Variants in FGGY observed in about 807,000 individuals in gnomAD.
FGGY encodes the protein FGGY carbohydrate kinase domain containing.
FGGY carries 72 observed loss-of-function variants against 71.3 expected under a neutral mutation model. The ratio of observed to expected loss-of-function variants is 1.01; its 90% CI spans 0.84 to 1.23. The LOEUF is 1.23. Among genes scored for constraint, FGGY ranks in the 50% most tolerant of loss-of-function variants. The probability of loss-of-function intolerance (pLI) is 0.00; values close to 1 mark genes in which losing one functional copy is unlikely to be tolerated. For missense variants in FGGY, 668 were observed against 682.3 expected (o/e 0.98, Z 0.23); for synonymous variants, 251 against 250.3 (o/e 1.00, Z -0.02).
chr1:59,502,408 A>G (rs1365426497), intron 6 of FGGY, among the ~76,000 whole-genome samples: 1 of 152,168 alleles, frequency 6.6e-6, no homozygotes, highest in African/African-American at 2.4e-5. Context: ...GGCTTTTTGC[A>G]TGTGGCCTTA....
At chr1:59,758,221 A>G (rs368043578) in intron 15 of FGGY, among the ~76,000 whole-genome samples, 15 of 152,318 alleles carry the variant, frequency 9.8e-5, no homozygotes, top group African/African-American at 3.4e-4. Context: ...TCTCAGACCA[A>G]TGTTCTTTTT....
intron 14 of FGGY, among the ~76,000 whole-genome samples, chr1:59,709,061 C>A (rs1302379658): frequency 1.3e-5 from 2 of 152,224 alleles, no homozygotes; most frequent in Non-Finnish European, 2.9e-5. Context: ...TGTTCATACA[C>A]ACACATACAC....
At chr1:59,630,079 C>A (rs915057497) in intron 10 of FGGY, among the ~76,000 whole-genome samples, 4 of 152,024 alleles carry the variant, frequency 2.6e-5, no homozygotes, top group African/African-American at 9.7e-5. Context: ...CATCCTTCTT[C>A]ACATGGTGGC....
chr1:59,668,018 A>G (rs1180125117), intron 13 of FGGY, among the ~76,000 whole-genome samples: 1 of 152,180 alleles, frequency 6.6e-6, no homozygotes, highest in African/African-American at 2.4e-5. Context: ...CAGACTGGGA[A>G]TTTGAGCCCT....
At chr1:59,396,504 A>G (rs2061342775) in intron 5 of FGGY, among the ~76,000 whole-genome samples, 1 of 152,138 alleles carries the variant, frequency 6.6e-6, no homozygotes, top group Non-Finnish European at 1.5e-5. Context: ...GTGAGTGAAG[A>G]AGGAGCCCAG....
At chr1:59,455,314 G>A (rs1453585824) in intron 5 of FGGY, among the ~76,000 whole-genome samples, 2 of 152,218 alleles carry the variant, frequency 1.3e-5, no homozygotes, top group African/African-American at 2.4e-5. Context: ...GCTGAGTCAT[G>A]AAGGCTAACT....
chr1:59,343,197 C>T (rs1445756947), intron 3 of FGGY, among the ~76,000 whole-genome samples: 1 of 152,166 alleles, frequency 6.6e-6, no homozygotes, highest in African/African-American at 2.4e-5. Context: ...ATGCCTGCAA[C>T]ACATTCTGTG....
chr1:59,380,502 A>G (rs2059281137), intron 5 of FGGY, among the ~76,000 whole-genome samples: 2 of 151,678 alleles, frequency 1.3e-5, no homozygotes, highest in African/African-American at 2.4e-5. Context: ...CTGGTGTGAG[A>G]TGATATCTCA....
At chr1:59,511,344 G>A (rs1162137788) in intron 6 of FGGY, among the ~76,000 whole-genome samples, 1 of 152,002 alleles carries the variant, frequency 6.6e-6, no homozygotes, top group African/African-American at 2.4e-5. Context: ...AAAAATTGCT[G>A]ATTATGCACC....
intron 14 of FGGY, among the ~76,000 whole-genome samples, chr1:59,719,824 A>T (rs2097873179): frequency 6.6e-6 from 1 of 152,210 alleles, no homozygotes; most frequent in African/African-American, 2.4e-5. Context: ...GTCATTTTAG[A>T]GATGAAAAAA....
At chr1:59,481,664 C>A (rs59520351) in intron 6 of FGGY, among the ~76,000 whole-genome samples, 7,633 of 152,220 alleles carry the variant, frequency 0.05, 236 homozygotes, top group East Asian at 0.12. Flanking sequence ...CCTGCAGGTT[C>A]TGTTTTCATA....
At chr1:59,712,067 C>G (rs1223459293) in intron 14 of FGGY, among the ~76,000 whole-genome samples, 1 of 152,164 alleles carries the variant, frequency 6.6e-6, no homozygotes, top group Non-Finnish European at 1.5e-5. Context: ...TAGTTACTTC[C>G]TAGATACAAT....
chr1:59,655,011 C>G (rs1244726615), intron 11 of FGGY, among the ~76,000 whole-genome samples: 1 of 152,184 alleles, frequency 6.6e-6, no homozygotes, highest in Non-Finnish European at 1.5e-5. Flanking sequence ...CTTCTCCATA[C>G]TCCTGCATGC....
intron 11 of FGGY, among the ~76,000 whole-genome samples, chr1:59,642,452 C>T (rs1187095171): frequency 6.6e-6 from 1 of 151,476 alleles, no homozygotes; most frequent in East Asian, 2.0e-4. Flanking sequence ...TGGTGAAACC[C>T]CGTTTCTACT....
intron 15 of FGGY, among the ~76,000 whole-genome samples, chr1:59,758,580 C>T (rs1013299423): frequency 6.6e-6 from 1 of 152,128 alleles, no homozygotes; most frequent in Non-Finnish European, 1.5e-5. Flanking sequence ...GAGATGGGAG[C>T]CTGTAGAGAT....
chr1:59,576,673 G>GACACACACAC (rs757918588), intron 8 of FGGY, among the ~76,000 whole-genome samples: 13 of 132,406 alleles, frequency 9.8e-5, no homozygotes, highest in African/African-American at 2.9e-4. Flanking sequence ...CAGACAGACA[G>GACACACACAC]ACAGACACAC....
chr1:59,586,825 G>A (rs549109548), intron 8 of FGGY, among the ~76,000 whole-genome samples: 2 of 152,186 alleles, frequency 1.3e-5, no homozygotes, highest in Non-Finnish European at 2.9e-5. Context: ...CAAGATGGCC[G>A]AATAGGAACA....
chr1:59,543,747 T>A (rs1457612122), intron 7 of FGGY, among the ~76,000 whole-genome samples: 3 of 152,228 alleles, frequency 2.0e-5, no homozygotes, highest in Non-Finnish European at 4.4e-5. Flanking sequence ...ACCTGTCCTG[T>A]CACTTCCCAT....
intron 8 of FGGY, among the ~76,000 whole-genome samples, chr1:59,588,509 G>T (rs1431881853): frequency 6.6e-6 from 1 of 152,114 alleles, no homozygotes; most frequent in Non-Finnish European, 1.5e-5. Flanking sequence ...CACCAAAGTC[G>T]AAGGAAAAAA....
Sources: gnomAD v4.1 joint callset for allele counts (sites outside exome capture counted in the v4.1 genomes callset) on GRCh38, gnomAD v4.1.1 for gene constraint, MANE v1.5 for transcripts, NCBI Gene and HGNC (gene_info 2026-07-23, HGNC 2026-07-21) for gene names.